Variants in NLN observed in about 807,000 individuals in gnomAD.
NLN encodes neurolysin, mitochondrial.
A neutral mutation model predicts 79.9 loss-of-function variants in NLN; 64 were observed. That is an observed-to-expected ratio of 0.80 (90% confidence interval 0.65 to 0.99). The LOEUF is 0.99. NLN is among the 50% of genes least tolerant of loss of function. The pLI, the probability that NLN is intolerant of heterozygous loss-of-function variation, is 0.00. For missense variants in NLN, 835 were observed against 858.7 expected (o/e 0.97, Z 0.34); for synonymous variants, 267 against 296.6 (o/e 0.90, Z 1.02).
intron 9 of NLN, among the ~76,000 whole-genome samples, chr5:65,797,346 G>C (rs1465104180): frequency 1.3e-5 from 2 of 152,222 alleles, no homozygotes; most frequent in African/African-American, 4.8e-5. Context: ...ATGGGCAGAA[G>C]AACTTCAAAT....
At position 65,824,061 on chromosome 5, in the gene NLN, A is replaced by G. The variant is rs1760862983; in HGVS notation, c.*1146A>G. 1 of 152,110 alleles carries G rather than the reference A, an allele frequency of 6.6e-6. No homozygotes were observed. The highest frequency in any genetic ancestry group is 2.1e-4 in the South Asian group (1 of 4,820). The allele number at this position is 152,110 out of a possible 1,614,324, so 9.4% of individuals were successfully genotyped here. A position where few individuals can be genotyped will look rare whatever the true frequency, so the allele number is the denominator to read the frequency against. ...CTCTTTATTGTGAGTCTAAATTCCA[A>G]TTCTGCAGCAGATCAGTAAACTCAC... is the stretch of plus-strand genomic sequence containing the variant. On this transcript the variant is annotated 3_prime_UTR_variant, in exon 13 of 13. Transcript: ENST00000380985.
At chr5:65,744,560 G>A (rs1758934291) in intron 1 of NLN, among the ~76,000 whole-genome samples, 1 of 150,980 alleles carries the variant, frequency 6.6e-6, no homozygotes, top group Non-Finnish European at 1.5e-5. Flanking sequence ...CCTATCAATA[G>A]GGAATAAAGA....
At chr5:65,821,042 C>CA (rs1326744179) in intron 12 of NLN, among the ~76,000 whole-genome samples, 766 of 56,814 alleles carry the variant, frequency 0.013, 3 homozygotes, top group African/African-American at 0.03. Context: ...GACTCTGTCT[C>CA]AAAAAAAAAA....
rs374255284 is a variant in NLN at position 65,808,419 on chromosome 5, G to C, written c.1528-1096G>C. On this transcript the variant is annotated intron_variant, in intron 9 of 12. Transcript: ENST00000380985. The stretch of plus-strand genomic sequence containing the variant: ...GAGAAGGATGGAATGTAATGCATCA[G>C]AGGAGAAAAACAGGACAGAGGTTCA... Among the ~76,000 whole-genome samples, 16 of 152,306 alleles carry C rather than the reference G, an allele frequency of 1.1e-4. No homozygotes were observed. The East Asian group carries it at 1.2e-3, about 11-fold the overall frequency.
At chr5:65,789,433 A>G (rs192969573) in intron 8 of NLN, among the ~76,000 whole-genome samples, 11 of 152,230 alleles carry the variant, frequency 7.2e-5, no homozygotes, top group Non-Finnish European at 8.8e-5. Flanking sequence ...AGCTGCTACC[A>G]TTGTCATTAT....
chr5:65,793,237 C>T (rs1303842797), intron 9 of NLN: 2 of 189,644 alleles, frequency 1.1e-5, no homozygotes, highest in Non-Finnish European at 1.1e-5. Context: ...CTTTGTAATA[C>T]AGTCCATTTA....
chr5:65,737,909 C>A (rs1966567), intron 1 of NLN, among the ~76,000 whole-genome samples: 1 of 151,786 alleles, frequency 6.6e-6, no homozygotes, highest in Non-Finnish European at 1.5e-5. Context: ...GGTGGGTGGA[C>A]CACTTTAGCT....
intron 3 of NLN, 154 bp from the exon 4 acceptor site, chr5:65,777,273 A>G: frequency 1.7e-6 from 1 of 600,574 alleles, no homozygotes; most frequent in South Asian, 2.1e-5. Context: ...CTAAAGTATA[A>G]AAGAAATTAG....
rs977619314 is a variant in NLN at position 65,733,523 on chromosome 5, C to T, written c.41+11109C>T. ...GTCATGCCAATTGGGAGATCCTTGCCCCAATTCGGGCTGAGCTGATGTGTA... is the reference window on the plus strand; with the variant it reads ...GTCATGCCAATTGGGAGATCCTTGCTCCAATTCGGGCTGAGCTGATGTGTA... On this transcript the variant is annotated intron_variant, in intron 1 of 12. Transcript: ENST00000380985. The T allele has an allele frequency of 4.8e-6, 7 of 1,443,470 alleles. No individual in the cohort carries two copies. In the Admixed American group the frequency reaches 1.2e-4, roughly 25 times the overall value. 89.4% of individuals were successfully genotyped at this position (1,443,470 alleles called of 1,614,324 possible).
At chr5:65,753,129 A>G (rs1759136004) in intron 1 of NLN, among the ~76,000 whole-genome samples, 1 of 152,236 alleles carries the variant, frequency 6.6e-6, no homozygotes, top group Non-Finnish European at 1.5e-5. Context: ...GGTGATAGTT[A>G]TGCTAATTAA....
Position 65,764,676 on chromosome 5 carries a change from G to C in NLN, c.450+1568G>C, listed in dbSNP as rs541487747. Among the ~76,000 whole-genome samples, 9 of 152,286 alleles carry C rather than the reference G, an allele frequency of 5.9e-5. No homozygotes were observed. In the South Asian group the frequency reaches 1.9e-3, roughly 32 times the overall value. The stretch of plus-strand genomic sequence containing the variant: ...CAGATTTGTGTCTTTATTTGAGCTG[G>C]TTCATTTCGGGCCTTTATTTTAACA... On this transcript the variant is annotated intron_variant, in intron 3 of 12. Transcript: ENST00000380985.
intron 8 of NLN, among the ~76,000 whole-genome samples, chr5:65,789,082 A>G (rs1298817793): frequency 6.6e-6 from 1 of 152,126 alleles, no homozygotes; most frequent in African/African-American, 2.4e-5. Context: ...ACAGTGAGCT[A>G]TTATCACACT....
At chr5:65,724,555 A>C (rs1334374341) in intron 1 of NLN, among the ~76,000 whole-genome samples, 2 of 152,162 alleles carry the variant, frequency 1.3e-5, no homozygotes, top group African/African-American at 4.8e-5. Flanking sequence ...ATTAATGTGC[A>C]CATGTCTGTT....
At chr5:65,779,866 T>C (rs879487391) in intron 4 of NLN, among the ~76,000 whole-genome samples, 1 of 152,032 alleles carries the variant, frequency 6.6e-6, no homozygotes, top group Admixed American at 6.5e-5. Context: ...CAGAAGTCAA[T>C]CTTCATATGA....
intron 2 of NLN, 33 bp downstream of exon 2, chr5:65,758,859 AC>A: frequency 1.3e-6 from 2 of 1,571,850 alleles, no homozygotes; most frequent in Non-Finnish European, 1.7e-6. Flanking sequence ...TCAGTGTTTC[AC>A]TTTGTGGACA....
chr5:65,805,581 T>C (rs1760394230), intron 9 of NLN, among the ~76,000 whole-genome samples: 1 of 152,066 alleles, frequency 6.6e-6, no homozygotes, highest in Non-Finnish European at 1.5e-5. Flanking sequence ...CTGAGAGAAG[T>C]GAGGAAGCTG....
intron 1 of NLN, among the ~76,000 whole-genome samples, chr5:65,729,379 T>C (rs1320344064): frequency 6.8e-6 from 1 of 146,374 alleles, no homozygotes; most frequent in Non-Finnish European, 1.5e-5. Context: ...CTTTTTTTTT[T>C]TTTTTTTTTT....
chr5:65,769,078 G>A (rs537865020), intron 3 of NLN, among the ~76,000 whole-genome samples: 3 of 152,338 alleles, frequency 2.0e-5, no homozygotes, highest in South Asian at 4.1e-4. Context: ...GCTCCAACAT[G>A]AGTGTTCCGG....
intron 12 of NLN, among the ~76,000 whole-genome samples, chr5:65,817,778 A>G (rs550305947): frequency 2.6e-5 from 4 of 152,352 alleles, no homozygotes; most frequent in African/African-American, 9.6e-5. Flanking sequence ...AGCCACAAAA[A>G]CATGAAGAGT....
Sources: gnomAD v4.1 joint callset for allele counts (sites outside exome capture counted in the v4.1 genomes callset) on GRCh38, gnomAD v4.1.1 for gene constraint, MANE v1.5 for transcripts, NCBI Gene and HGNC (gene_info 2026-07-23, HGNC 2026-07-21) for gene names.